ARIH1: variants seen among roughly 807,000 people sequenced by gnomAD.
ARIH1 encodes the protein E3 ubiquitin-protein ligase ARIH1.
Under a neutral mutation model 85.0 loss-of-function variants are expected in ARIH1, and 8 were observed. The ratio of observed to expected loss-of-function variants is 0.09; its 90% confidence interval spans 0.06 to 0.17. The LOEUF (loss-of-function observed/expected upper bound fraction) is 0.17. Ranked by LOEUF, ARIH1 falls within the 10% of genes least tolerant of loss-of-function variation. The pLI is 1.00. For missense variants in ARIH1, 311 were observed against 718.1 expected (o/e 0.43, Z 6.48); for synonymous variants, 238 against 253.6 (o/e 0.94, Z 0.59).
intron 11 of ARIH1, among the ~76,000 whole-genome samples, chr15:72,578,437 A>G (rs1242796225): frequency 1.3e-5 from 2 of 152,136 alleles, no homozygotes; most frequent in Admixed American, 1.3e-4. Context: ...CATTTCTCTC[A>G]ATGTGAATGG....
At chr15:72,503,543 C>T (rs34083902) in intron 1 of ARIH1, among the ~76,000 whole-genome samples, 2,469 of 152,294 alleles carry the variant, frequency 0.016, 45 homozygotes, top group East Asian at 0.083. Context: ...TAGCCCCATT[C>T]CTCCATTCTT....
intron 7 of ARIH1, among the ~76,000 whole-genome samples, chr15:72,565,968 T>C (rs917292915): frequency 1.2e-4 from 18 of 152,136 alleles, no homozygotes; most frequent in Non-Finnish European, 2.4e-4. Context: ...GTTTGTTAAT[T>C]ATACTTCTTT....
intron 1 of ARIH1, among the ~76,000 whole-genome samples, chr15:72,506,822 G>A (rs1200663944): frequency 6.6e-6 from 1 of 151,558 alleles, no homozygotes; most frequent in Non-Finnish European, 1.5e-5. Flanking sequence ...TATGTAAACT[G>A]GAATAAAAAA....
intron 12 of ARIH1, 48 bp downstream of exon 12, chr15:72,581,039 C>G: frequency 6.4e-7 from 1 of 1,556,186 alleles, no homozygotes; most frequent in Non-Finnish European, 8.7e-7. Context: ...TATCATAGGT[C>G]TACCTGATCT....
At chr15:72,513,995 C>T (rs534937394) in intron 1 of ARIH1, among the ~76,000 whole-genome samples, 2 of 150,450 alleles carry the variant, frequency 1.3e-5, no homozygotes, top group East Asian at 1.9e-4. Flanking sequence ...TACGCCACCA[C>T]GCCCAGCTAA....
In ARIH1 at chr15:72,583,653, G is replaced by A. The variant is rs1480883558; in HGVS notation, c.*361G>A. 5.8e-6 allele frequency: 1 copy of A among 171,720 alleles called. No homozygotes were observed. The highest frequency in any genetic ancestry group is 1.2e-5 in the Non-Finnish European group (1 of 80,516). 10.6% of individuals were successfully genotyped at this position (171,720 alleles called of 1,614,324 possible). On this transcript the variant is annotated 3_prime_UTR_variant, in exon 14 of 14. Coordinates refer to ENST00000379887, the MANE Select transcript of ARIH1 (RefSeq NM_005744.5). ...ACAGCTCCTTGACACTGCTTTTCAT[G>A]TTCAAACCAGCCATTTTGTTGTACT...
chr15:72,511,937 TTTC>T (rs145793545), intron 1 of ARIH1, among the ~76,000 whole-genome samples: 5,793 of 152,194 alleles, frequency 0.038, 328 homozygotes, highest in African/African-American at 0.13. Context: ...TCCTGTGACT[TTTC>T]TTCATTAGGC....
chr15:72,510,187 A>G (rs970840088), intron 1 of ARIH1, among the ~76,000 whole-genome samples: 1 of 152,162 alleles, frequency 6.6e-6, no homozygotes, highest in Non-Finnish European at 1.5e-5. Context: ...ATTTTTAAAA[A>G]ATTATTCTAG....
Position 72,544,967 on chromosome 15 carries a change from G to T in ARIH1, c.588+3G>T. The T allele has an allele frequency of 6.3e-7, 1 of 1,581,938 alleles. No individual in the cohort carries two copies. The highest frequency in any genetic ancestry group is 1.1e-5 in the South Asian group (1 of 87,748). ...GCTACTTGAACTACCCTAACTCGGT[G>T]AGTATCTGGTAGTTTAAGGCTAGTG... On this transcript the variant is annotated splice_donor_region_variant and intron_variant, in intron 3 of 13. Transcript: ENST00000379887.
At chr15:72,512,238 T>C (rs2063953884) in intron 1 of ARIH1, among the ~76,000 whole-genome samples, 1 of 152,034 alleles carries the variant, frequency 6.6e-6, no homozygotes, top group Non-Finnish European at 1.5e-5. Flanking sequence ...CTTGAATGAT[T>C]AGTAGAATTT....
rs1467354278 is a variant in ARIH1 at position 72,593,865 on chromosome 15, T to C, written c.*10573T>C. The stretch of plus-strand genomic sequence containing the variant: ...AGATGTGCTGGGTTAGCTGTGTTCA[T>C]GCCACTGCATTCCAGCTTGGGTGAC... On this transcript the variant is annotated 3_prime_UTR_variant, in exon 14 of 14. Coordinates refer to ENST00000379887, the MANE Select transcript of ARIH1 (RefSeq NM_005744.5). 1 of 151,578 alleles carries C rather than the reference T, an allele frequency of 6.6e-6. No homozygotes were observed. The highest frequency in any genetic ancestry group is 6.6e-5 in the Admixed American group (1 of 15,222). 9.4% of individuals were successfully genotyped at this position (151,578 alleles called of 1,614,324 possible).
intron 2 of ARIH1, among the ~76,000 whole-genome samples, chr15:72,520,717 A>G (rs1330101244): frequency 6.6e-6 from 1 of 152,196 alleles, no homozygotes; most frequent in East Asian, 1.9e-4. Context: ...CAACTATATA[A>G]AAGTTTCTAA....
intron 2 of ARIH1, among the ~76,000 whole-genome samples, chr15:72,523,515 A>AG (rs2064010032): frequency 3.1e-5 from 1 of 31,786 alleles, no homozygotes; most frequent in African/African-American, 1.2e-4. Context: ...TCAACAGCAC[A>AG]GTTTTTTTTT....
At chr15:72,480,058 A>T (rs1460110016) in intron 1 of ARIH1, among the ~76,000 whole-genome samples, 1 of 151,310 alleles carries the variant, frequency 6.6e-6, no homozygotes, top group East Asian at 2.0e-4. Flanking sequence ...TTTAGTAGAG[A>T]TGGGGTTTCA....
chr15:72,474,949 C>G lies in ARIH1; in HGVS notation c.310C>G (p.Leu104Val). The G allele has an allele frequency of 6.4e-7, 1 of 1,555,524 alleles. No homozygotes were observed. Among genetic ancestry groups the G allele is most frequent in the Non-Finnish European group, 8.7e-7 (1 of 1,149,512 alleles). ...EQEEDYRYEV[L>V]TAEQILQHMV... ...GGAGGAGGATTACCGCTACGAGGTG[C>G]TCACGGCCGAGCAGATTCTACAACA... Residue 104 changes from leucine (L) to valine (V), a missense_variant, in exon 1 of 14, where the codon CTC (leucine) becomes GTC (valine). Physicochemically the swap from Leu to Val is conservative, Grantham distance 32. Transcript: ENST00000379887.
At chr15:72,499,195 C>G (rs1009038524) in intron 1 of ARIH1, among the ~76,000 whole-genome samples, 1 of 151,814 alleles carries the variant, frequency 6.6e-6, no homozygotes, top group Non-Finnish European at 1.5e-5. Flanking sequence ...AGGCTGGCCT[C>G]GAACTTCTGA....
intron 3 of ARIH1, among the ~76,000 whole-genome samples, chr15:72,552,579 C>T (rs992577111): frequency 2.0e-5 from 3 of 152,042 alleles, no homozygotes; most frequent in Admixed American, 6.6e-5. Context: ...CGTGAGCCAC[C>T]GTGCCCAGCC....
At chr15:72,561,589 T>C (rs759661929) in intron 6 of ARIH1, 40 bp downstream of exon 6, 1 of 1,175,782 alleles carries the variant, frequency 8.5e-7, no homozygotes. Flanking sequence ...AGGAATTCTG[T>C]TTATTAATAG....
intron 1 of ARIH1, among the ~76,000 whole-genome samples, chr15:72,514,870 T>C (rs545619774): frequency 6.6e-6 from 1 of 152,104 alleles, no homozygotes; most frequent in African/African-American, 2.4e-5. Flanking sequence ...TGTGGTGGCA[T>C]GCCCCTGTAA....
Sources: gnomAD v4.1 joint callset for allele counts (sites outside exome capture counted in the v4.1 genomes callset) on GRCh38, gnomAD v4.1.1 for gene constraint, MANE v1.5 for transcripts, NCBI Gene and HGNC (gene_info 2026-07-23, HGNC 2026-07-21) for gene names.